TRHDE: variants seen among roughly 807,000 people sequenced by gnomAD.
TRHDE encodes thyrotropin-releasing hormone-degrading ectoenzyme.
Under a neutral mutation model 125.7 loss-of-function variants are expected in TRHDE, and 72 were observed. That is an observed-to-expected ratio of 0.57 (90% confidence interval 0.47 to 0.70). The LOEUF is 0.70. Ranked by LOEUF, TRHDE falls within the 30% of genes least tolerant of loss-of-function variation. The probability of loss-of-function intolerance (pLI) is 0.00; values close to 1 mark genes in which losing one functional copy is unlikely to be tolerated. For synonymous variants in TRHDE, 509 were observed against 509.1 expected, an observed-to-expected ratio of 1.00 and a Z score of 0.00; for missense variants, 1,110 against 1,327.1, an observed-to-expected ratio of 0.84 and a Z score of 2.54.
At chr12:72,604,727 T>C (rs761678659) in intron 12 of TRHDE, among the ~76,000 whole-genome samples, 1 of 152,106 alleles carries the variant, frequency 6.6e-6, no homozygotes, top group Admixed American at 6.5e-5. Context: ...TTTCTGCTGT[T>C]ATTTTGTATT....
intron 2 of TRHDE, among the ~76,000 whole-genome samples, chr12:72,241,136 C>G (rs1878470148): frequency 2.6e-5 from 4 of 152,126 alleles, no homozygotes; most frequent in South Asian, 2.1e-4. Context: ...ATACAAGCAG[C>G]CTTGTGTCTA....
chr12:72,618,128 AAG>A, intron 12 of TRHDE, among the ~76,000 whole-genome samples: 1 of 152,240 alleles, frequency 6.6e-6, no homozygotes, highest in South Asian at 2.1e-4. Context: ...TATTGGAAAA[AAG>A]AGATATATAG....
At chr12:72,622,568 A>C (rs12099552) in intron 15 of TRHDE, among the ~76,000 whole-genome samples, 21,270 of 151,976 alleles carry the variant, frequency 0.14, 2,042 homozygotes, top group East Asian at 0.54. Context: ...ATTTGTACAG[A>C]TGATGCCATT....
At chr12:72,195,938 G>A (rs1012553617) in intron 2 of TRHDE, among the ~76,000 whole-genome samples, 9 of 152,102 alleles carry the variant, frequency 5.9e-5, no homozygotes, top group Non-Finnish European at 1.3e-4. Context: ...TCGTTCTTCT[G>A]CATATGGCTA....
intron 6 of TRHDE, among the ~76,000 whole-genome samples, chr12:72,540,449 G>T (rs10748198): frequency 2.0e-5 from 3 of 151,396 alleles, no homozygotes; most frequent in African/African-American, 7.3e-5. Flanking sequence ...GACCATGCTA[G>T]ATTAATAGTT....
At chr12:72,245,058 A>G (rs141125491) in intron 2 of TRHDE, among the ~76,000 whole-genome samples, 11 of 152,184 alleles carry the variant, frequency 7.2e-5, no homozygotes, top group African/African-American at 1.2e-4. Flanking sequence ...AAAATTGTCA[A>G]ATTTTATCTG....
At position 72,504,105 on chromosome 12, in the gene TRHDE, C is replaced by G. The variant is rs151252811; in HGVS notation, c.1722+4470C>G. Among the ~76,000 whole-genome samples, 634 of 151,996 alleles carry G rather than the reference C, an allele frequency of 4.2e-3. 7 individuals are homozygous for G. The highest frequency in any genetic ancestry group is 5.7e-3 in the Non-Finnish European group (390 of 67,986). On this transcript the variant is annotated intron_variant, in intron 6 of 18. Transcript: ENST00000261180. ...CAGAAATATATACAAGATACAGTCA[C>G]GAGACAGGGGAGTAGAGGGGAACTG...
intron 2 of TRHDE, among the ~76,000 whole-genome samples, chr12:72,166,939 T>A (rs907260182): frequency 5.9e-5 from 9 of 151,836 alleles, no homozygotes; most frequent in Admixed American, 3.3e-4. Context: ...TGTGTGTGTG[T>A]GTGTGTGTGT....
chr12:72,097,298 G>A (rs188580317), intron 1 of TRHDE, among the ~76,000 whole-genome samples: 26 of 152,290 alleles, frequency 1.7e-4, no homozygotes, highest in Admixed American at 1.4e-3. Flanking sequence ...GGAGTCAGGA[G>A]ATAGAGAAAG....
intron 12 of TRHDE, among the ~76,000 whole-genome samples, chr12:72,597,598 G>A (rs1446065246): frequency 6.7e-6 from 1 of 148,502 alleles, no homozygotes; most frequent in East Asian, 2.0e-4. Flanking sequence ...AACCTGGGAG[G>A]TGGAGATTGG....
intron 2 of TRHDE, among the ~76,000 whole-genome samples, chr12:72,339,567 C>G (rs1008234321): frequency 4.6e-5 from 7 of 152,076 alleles, no homozygotes; most frequent in African/African-American, 1.7e-4. Flanking sequence ...GGATTTTGCT[C>G]TCATAGTTAT....
intron 6 of TRHDE, among the ~76,000 whole-genome samples, chr12:72,526,149 C>T (rs908060967): frequency 6.6e-6 from 1 of 151,982 alleles, no homozygotes; most frequent in Non-Finnish European, 1.5e-5. Flanking sequence ...TACCTATAAC[C>T]TTTTTCAGCA....
At chr12:72,309,815 T>A (rs1868457417) in intron 2 of TRHDE, 1 of 152,082 alleles carries the variant, frequency 6.6e-6, no homozygotes, top group Admixed American at 6.5e-5. Flanking sequence ...ATGCTTGTAA[T>A]AGAATGGTTG....
intron 3 of TRHDE, among the ~76,000 whole-genome samples, chr12:72,432,696 C>A (rs1431156579): frequency 6.6e-6 from 1 of 152,128 alleles, no homozygotes; most frequent in Non-Finnish European, 1.5e-5. Flanking sequence ...AGCAGGTGAA[C>A]CCCTGGCATA....
In TRHDE at chr12:72,601,986, T is replaced by A. The variant is rs557648907; in HGVS notation, c.2322-16905T>A. Among the ~76,000 whole-genome samples the A allele has an allele frequency of 1.5e-4, 23 of 152,264 alleles. No homozygotes were observed. The South Asian group carries it at 3.5e-3, about 23-fold the overall frequency. ...TGAAGTCTGGTTGTGTTCTTAGGAT[T>A]AAAATAAAATTTATTTGGTGAAGAA... On this transcript the variant is annotated intron_variant, in intron 12 of 18. Coordinates refer to ENST00000261180, the MANE Select transcript of TRHDE (RefSeq NM_013381.3).
At chr12:72,513,950 C>T (rs764403640) in intron 6 of TRHDE, among the ~76,000 whole-genome samples, 18 of 152,254 alleles carry the variant, frequency 1.2e-4, no homozygotes, top group Middle Eastern at 3.4e-3. Flanking sequence ...CAAACTTTGG[C>T]AGCAAGTAAA....
At chr12:72,413,170 T>G (rs967007171) in intron 3 of TRHDE, among the ~76,000 whole-genome samples, 3 of 152,066 alleles carry the variant, frequency 2.0e-5, no homozygotes, top group Non-Finnish European at 4.4e-5. Flanking sequence ...TCCACATAAG[T>G]GTCAGTGTTA....
At chr12:72,220,088 G>C (rs1306868434) in intron 2 of TRHDE, among the ~76,000 whole-genome samples, 2 of 152,138 alleles carry the variant, frequency 1.3e-5, no homozygotes, top group Non-Finnish European at 2.9e-5. Flanking sequence ...TTTCAGACCA[G>C]TTTAGGGTAG....
Position 72,399,457 on chromosome 12 carries a change from AATAAT to A in TRHDE, c.1315+21338_1315+21342del, listed in dbSNP as rs561866773. On this transcript the variant is annotated intron_variant, in intron 3 of 18. Coordinates refer to ENST00000261180, the MANE Select transcript of TRHDE (RefSeq NM_013381.3). ...TTTGCTAATATTTTATTTATTTAAT[AATAAT>A]AAACTACTCTTGTGCTGCTTGTAAA... 1.7e-3 allele frequency among the ~76,000 whole-genome samples: 263 copies of A among 152,276 alleles called. 1 individual carries two copies. The highest frequency in any genetic ancestry group is 6.0e-3 in the African/African-American group (250 of 41,572).
Sources: gnomAD v4.1 joint callset for allele counts (sites outside exome capture counted in the v4.1 genomes callset) on GRCh38, gnomAD v4.1.1 for gene constraint, MANE v1.5 for transcripts, NCBI Gene and HGNC (gene_info 2026-07-23, HGNC 2026-07-21) for gene names.